The following MARCHF11 variants were observed in gnomAD, a reference collection of about 807,000 sequenced individuals.
The protein encoded by MARCHF11 is E3 ubiquitin-protein ligase MARCHF11.
Under a neutral mutation model 37.3 loss-of-function variants are expected in MARCHF11, and 29 were observed. That is an observed-to-expected ratio of 0.78 (90% confidence interval 0.58 to 1.06). The LOEUF (loss-of-function observed/expected upper bound fraction) is 1.06, where lower values mean the gene tolerates loss of function less well. MARCHF11 is among the 50% of genes least tolerant of loss of function. The probability of loss-of-function intolerance (pLI) is 0.00; values close to 1 mark genes in which losing one functional copy is unlikely to be tolerated. For missense variants in MARCHF11, 482 were observed against 533.4 expected (o/e 0.90, Z 0.95); for synonymous variants, 233 against 228.0 (o/e 1.02, Z -0.20).
At chr5:16,119,710 C>T (rs925101236) in intron 2 of MARCHF11, among the ~76,000 whole-genome samples, 1 of 152,152 alleles carries the variant, frequency 6.6e-6, no homozygotes, top group Non-Finnish European at 1.5e-5. Flanking sequence ...GAGGTCCTAT[C>T]AGCTAACAAA....
chr5:16,070,896 A>G (rs1244468618), intron 3 of MARCHF11, among the ~76,000 whole-genome samples: 5 of 152,174 alleles, frequency 3.3e-5, no homozygotes, highest in Admixed American at 2.0e-4. Context: ...TTTTACTGAA[A>G]TGCAATGAAT....
At chr5:16,078,346 G>A (rs1736553998) in intron 3 of MARCHF11, among the ~76,000 whole-genome samples, 1 of 152,210 alleles carries the variant, frequency 6.6e-6, no homozygotes, top group Non-Finnish European at 1.5e-5. Context: ...AAAATGCTTA[G>A]AATGTTGCCC....
At chr5:16,134,718 T>A (rs908603023) in intron 2 of MARCHF11, among the ~76,000 whole-genome samples, 25 of 152,232 alleles carry the variant, frequency 1.6e-4, no homozygotes, top group African/African-American at 5.5e-4. Flanking sequence ...ATATAAGAAT[T>A]TCAACAATAA....
chr5:16,081,406 A>C (rs1283642413), intron 3 of MARCHF11, among the ~76,000 whole-genome samples: 1 of 152,226 alleles, frequency 6.6e-6, no homozygotes, highest in Admixed American at 6.5e-5. Flanking sequence ...AAGGCACCAA[A>C]GTTTAAATTT....
At chr5:16,145,330 C>T (rs144269366) in intron 2 of MARCHF11, among the ~76,000 whole-genome samples, 387 of 152,258 alleles carry the variant, frequency 2.5e-3, no homozygotes, top group Non-Finnish European at 4.4e-3. Context: ...AATACTGCTA[C>T]AGAATGGGCA....
chr5:16,087,489 A>G (rs1332030713), intron 3 of MARCHF11, among the ~76,000 whole-genome samples: 1 of 152,228 alleles, frequency 6.6e-6, no homozygotes, highest in Non-Finnish European at 1.5e-5. Context: ...GTCTAATATA[A>G]TAGTCACTAG....
intron 2 of MARCHF11, among the ~76,000 whole-genome samples, chr5:16,150,614 T>A (rs2591984): frequency 0.043 from 5,920 of 137,206 alleles, 228 homozygotes; most frequent in Non-Finnish European, 0.064. Context: ...CGGTATTAGT[T>A]ACTCTCCTAT....
At chr5:16,116,935 G>A (rs1737235186) in intron 2 of MARCHF11, among the ~76,000 whole-genome samples, 1 of 152,148 alleles carries the variant, frequency 6.6e-6, no homozygotes, top group Non-Finnish European at 1.5e-5. Flanking sequence ...AAGAGTAAAC[G>A]CTGCCCAGAT....
chr5:16,096,601 G>A (rs192048317), intron 2 of MARCHF11, among the ~76,000 whole-genome samples: 1 of 152,250 alleles, frequency 6.6e-6, no homozygotes, highest in East Asian at 1.9e-4. Flanking sequence ...GTGAAACCAG[G>A]CAAATACTGT....
chr5:16,172,246 G>A (rs1738281708), intron 2 of MARCHF11, among the ~76,000 whole-genome samples: 2 of 152,120 alleles, frequency 1.3e-5, no homozygotes, highest in African/African-American at 4.8e-5. Context: ...TTCTCCTAGT[G>A]AGTAAAATAC....
intron 2 of MARCHF11, among the ~76,000 whole-genome samples, chr5:16,094,789 G>A (rs923609287): frequency 6.6e-6 from 1 of 152,132 alleles, no homozygotes; most frequent in Non-Finnish European, 1.5e-5. Flanking sequence ...ACTAGAAGAA[G>A]TAATTTAGTA....
intron 2 of MARCHF11, among the ~76,000 whole-genome samples, chr5:16,167,825 G>A (rs1315723602): frequency 1.3e-5 from 2 of 151,834 alleles, no homozygotes; most frequent in African/African-American, 4.8e-5. Flanking sequence ...GTAACTCTTC[G>A]GCCTAGAACA....
At chr5:16,072,428 T>A (rs1022997886) in intron 3 of MARCHF11, among the ~76,000 whole-genome samples, 1 of 151,710 alleles carries the variant, frequency 6.6e-6, no homozygotes, top group East Asian at 1.9e-4. Context: ...TTAGATGAGA[T>A]TGTGAGCATG....
chr5:16,110,510 T>A (rs1255476776), intron 2 of MARCHF11, among the ~76,000 whole-genome samples: 1 of 152,096 alleles, frequency 6.6e-6, no homozygotes, highest in Non-Finnish European at 1.5e-5. Flanking sequence ...AACAAAAACA[T>A]AAAAAATGGA....
chr5:16,109,952 A>G (rs1176038781), intron 2 of MARCHF11, among the ~76,000 whole-genome samples: 1 of 152,204 alleles, frequency 6.6e-6, no homozygotes, highest in African/African-American at 2.4e-5. Flanking sequence ...AATTTTCATA[A>G]CACACGCAGC....
chr5:16,146,953 GAGATAGAGACTC>G (rs1273527082), intron 2 of MARCHF11, among the ~76,000 whole-genome samples: 3 of 152,142 alleles, frequency 2.0e-5, no homozygotes, highest in Non-Finnish European at 4.4e-5. Context: ...TAAAGAGACT[GAGATAGAGACTC>G]AGAGAGAGAT....
chr5:16,094,353 A>G (rs1736831779), intron 2 of MARCHF11, among the ~76,000 whole-genome samples: 1 of 152,194 alleles, frequency 6.6e-6, no homozygotes, highest in African/African-American at 2.4e-5. Context: ...AGTAGAAAAT[A>G]AGTCTCGTGG....
rs138438132 is a variant in MARCHF11, at chr5:16,073,312, T to C, written c.887-5519A>G. 8.5e-5 allele frequency among the ~76,000 whole-genome samples: 13 copies of C among 152,302 alleles called. No homozygotes were observed. In the East Asian group the frequency reaches 2.3e-3, roughly 27 times the overall value. ...CAAGACATCCTTTGTTGTGATGATC[T>C]TTGCTAGAATATAATACAATGCATG... On this transcript the variant is annotated intron_variant, in intron 3 of 3. Coordinates refer to ENST00000332432, the MANE Select transcript of MARCHF11 (RefSeq NM_001102562.3).
intron 2 of MARCHF11, among the ~76,000 whole-genome samples, chr5:16,122,854 G>C (rs953306854): frequency 6.6e-6 from 1 of 152,146 alleles, no homozygotes; most frequent in Non-Finnish European, 1.5e-5. Flanking sequence ...CCCCACACTT[G>C]TGCCCATGTT....
Sources: allele counts gnomAD v4.1 joint callset (sites outside exome capture counted in the v4.1 genomes callset), GRCh38; gene constraint gnomAD v4.1.1; transcripts MANE v1.5; gene names NCBI Gene and HGNC (gene_info 2026-07-23, HGNC 2026-07-21).